Variants in KCNIP1 observed in about 807,000 individuals in gnomAD.
KCNIP1 encodes A-type potassium channel modulatory protein KCNIP1.
Under a neutral mutation model 33.0 loss-of-function variants are expected in KCNIP1, and 18 were observed. The observed-to-expected ratio is 0.55, with a 90% confidence interval of 0.38 to 0.81. The LOEUF (loss-of-function observed/expected upper bound fraction) is 0.81, where lower values mean the gene tolerates loss of function less well. Ranked by LOEUF, KCNIP1 falls within the 30% of genes least tolerant of loss-of-function variation. KCNIP1 has a pLI of 0.00. For synonymous variants in KCNIP1, 93 were observed against 98.3 expected, an observed-to-expected ratio of 0.95 and a Z score of 0.32; for missense variants, 238 against 271.6, an observed-to-expected ratio of 0.88 and a Z score of 0.87.
intron 1 of KCNIP1, among the ~76,000 whole-genome samples, chr5:170,651,602 C>T (rs546369824): frequency 6.6e-6 from 1 of 152,184 alleles, no homozygotes; most frequent in African/African-American, 2.4e-5. Context: ...GCCACCCCCC[C>T]AGCTGATTGT....
intron 1 of KCNIP1, among the ~76,000 whole-genome samples, chr5:170,402,034 G>T (rs1388280140): frequency 6.6e-6 from 1 of 152,166 alleles, no homozygotes; most frequent in East Asian, 1.9e-4. Flanking sequence ...GTAGTGGCAG[G>T]CACTCCTTGG....
intron 5 of KCNIP1, among the ~76,000 whole-genome samples, chr5:170,727,376 G>A (rs991721267): frequency 3.3e-5 from 5 of 152,282 alleles, no homozygotes; most frequent in African/African-American, 9.6e-5. Flanking sequence ...TCTTGAGTGT[G>A]GTGGAGGTTA....
At chr5:170,419,117 C>T (rs2113423102) in intron 1 of KCNIP1, among the ~76,000 whole-genome samples, 1 of 152,302 alleles carries the variant, frequency 6.6e-6, no homozygotes, top group Non-Finnish European at 1.5e-5. Context: ...CGTCGTTGTC[C>T]AGGTGAATGG....
intron 1 of KCNIP1, among the ~76,000 whole-genome samples, chr5:170,547,012 A>G (rs1756434234): frequency 6.6e-6 from 1 of 152,172 alleles, no homozygotes; most frequent in Non-Finnish European, 1.5e-5. Flanking sequence ...CTTGAAATGT[A>G]ATTTCACTAA....
intron 1 of KCNIP1, among the ~76,000 whole-genome samples, chr5:170,390,517 A>AAAATATATATATATATATATATAT: frequency 2.1e-4 from 16 of 74,522 alleles, no homozygotes; most frequent in South Asian, 8.8e-4. Flanking sequence ...AAAAAAAACA[A>AAAATATATATATATATATATATAT]ATATATATAT....
intron 5 of KCNIP1, among the ~76,000 whole-genome samples, chr5:170,730,608 A>C (rs1335771177): frequency 6.6e-6 from 1 of 152,234 alleles, no homozygotes; most frequent in Non-Finnish European, 1.5e-5. Context: ...ACATTTAAAA[A>C]TAAACACATG....
intron 1 of KCNIP1, among the ~76,000 whole-genome samples, chr5:170,664,727 A>G (rs1358438571): frequency 6.6e-6 from 1 of 152,224 alleles, no homozygotes; most frequent in African/African-American, 2.4e-5. Context: ...AGTGGGGAGC[A>G]AAGCAAAAAG....
chr5:170,414,056 T>C (rs925553240), intron 1 of KCNIP1, among the ~76,000 whole-genome samples: 1 of 151,660 alleles, frequency 6.6e-6, no homozygotes, highest in African/African-American at 2.4e-5. Flanking sequence ...GGGCATGGAG[T>C]GTCAGGAGCC....
intron 1 of KCNIP1, among the ~76,000 whole-genome samples, chr5:170,480,616 T>A (rs1486212520): frequency 6.6e-6 from 1 of 151,946 alleles, no homozygotes. Context: ...ATTTTTTGTA[T>A]TTTTTGTATT....
chr5:170,483,056 A>G (rs1327788285), intron 1 of KCNIP1: 1 of 455,038 alleles, frequency 2.2e-6, no homozygotes, highest in South Asian at 1.6e-5. Flanking sequence ...GTTTCCAAGG[A>G]CAGATGGAGT....
At chr5:170,485,003 C>T (rs1429519656) in intron 1 of KCNIP1, among the ~76,000 whole-genome samples, 1 of 147,470 alleles carries the variant, frequency 6.8e-6, no homozygotes, top group Admixed American at 6.8e-5. Flanking sequence ...TGCAGTGGCG[C>T]AATCTCCACT....
intron 1 of KCNIP1, chr5:170,383,708 T>C: frequency 6.2e-7 from 1 of 1,614,156 alleles, no homozygotes; most frequent in South Asian, 1.1e-5. Context: ...GTGTCCTCCG[T>C]GTGGTACAGC....
intron 1 of KCNIP1, among the ~76,000 whole-genome samples, chr5:170,683,516 C>G (rs568446721): frequency 6.6e-6 from 1 of 152,234 alleles, no homozygotes; most frequent in South Asian, 2.1e-4. Flanking sequence ...AGAGCCCTTA[C>G]CATATGGTCC....
intron 1 of KCNIP1, among the ~76,000 whole-genome samples, chr5:170,432,282 G>A (rs181747995): frequency 1.2e-4 from 18 of 152,250 alleles, no homozygotes; most frequent in East Asian, 3.9e-4. Context: ...CTGCAGACAC[G>A]TATTGTAGGT....
chr5:170,536,712 C>T lies in KCNIP1; in HGVS notation c.61+32079C>T, dbSNP rs144098721. ...CCTGGGCTGCCTCTCTGTGATTTAA[C>T]GCTCTCTCACTCCCACACCTGCAGT... On this transcript the variant is annotated intron_variant, in intron 1 of 7. Transcript: ENST00000328939. Among the ~76,000 whole-genome samples, 601 of 152,270 alleles carry T rather than the reference C, an allele frequency of 3.9e-3. 4 individuals carry two copies. The highest frequency in any genetic ancestry group is 3.3e-3 in the Non-Finnish European group (223 of 68,020).
intron 1 of KCNIP1, chr5:170,383,760 T>C: frequency 6.2e-7 from 1 of 1,614,170 alleles, no homozygotes; most frequent in Non-Finnish European, 8.5e-7. Flanking sequence ...CCCACAGGCA[T>C]GGGTACTGGG....
intron 1 of KCNIP1, among the ~76,000 whole-genome samples, chr5:170,676,772 T>A (rs898730185): frequency 6.6e-6 from 1 of 152,138 alleles, no homozygotes; most frequent in Non-Finnish European, 1.5e-5. Context: ...CCACGGGGCC[T>A]CTCCATTTAC....
At chr5:170,636,084 G>A (rs1760269188) in intron 1 of KCNIP1, among the ~76,000 whole-genome samples, 1 of 152,258 alleles carries the variant, frequency 6.6e-6, no homozygotes, top group Non-Finnish European at 1.5e-5. Flanking sequence ...GACCAGTTGG[G>A]AGGAAATATC....
chr5:170,495,601 G>A (rs1428123856), intron 1 of KCNIP1, among the ~76,000 whole-genome samples: 1 of 152,190 alleles, frequency 6.6e-6, no homozygotes, highest in Non-Finnish European at 1.5e-5. Flanking sequence ...CTCGAACTCT[G>A]CCTGAGGTGG....
Sources: gnomAD v4.1 joint callset for allele counts (sites outside exome capture counted in the v4.1 genomes callset) on GRCh38, gnomAD v4.1.1 for gene constraint, MANE v1.5 for transcripts, NCBI Gene and HGNC (gene_info 2026-07-23, HGNC 2026-07-21) for gene names.